Variants in SGSM3 observed in about 807,000 individuals in gnomAD.
The protein encoded by SGSM3 is RUN and SH3 containing 3.
SGSM3 carries 96 observed loss-of-function variants against 100.5 expected under a neutral mutation model. That is an observed-to-expected ratio of 0.96 (90% CI 0.81 to 1.13). The LOEUF (loss-of-function observed/expected upper bound fraction) is 1.13. Among genes scored for constraint, SGSM3 ranks in the 50% most tolerant of loss-of-function variants. The pLI, the probability that SGSM3 is intolerant of heterozygous loss-of-function variation, is 0.00. For synonymous variants in SGSM3, 483 were observed against 422.8 expected, an observed-to-expected ratio of 1.14 and a Z score of -1.75; for missense variants, 1,001 against 1,015.8, an observed-to-expected ratio of 0.99 and a Z score of 0.20.
Position 40,407,609 on chromosome 22 carries a change from C to T in SGSM3, c.1524+41C>T, listed in dbSNP as rs1300403925. 6 of 1,590,810 alleles carry T rather than the reference C, an allele frequency of 3.8e-6. No homozygotes were observed. Among genetic ancestry groups the T allele is most frequent in the Admixed American group, 3.4e-5 (2 of 59,170 alleles). Reference sequence around the variant, plus strand: ...GGACTACCAGGTCCTCAGGCTGTGGCGGGTTCCCCAGACTCCCTCCACCAA... The same window carrying T: ...GGACTACCAGGTCCTCAGGCTGTGGTGGGTTCCCCAGACTCCCTCCACCAA... On this transcript the variant is annotated intron_variant, in intron 13 of 21. Transcript: ENST00000248929. The surrounding 1 kb of genome is among the most constrained non-coding windows in gnomAD (Gnocchi z 4.7).
Position 40,407,505 on chromosome 22 carries a change from C to T in SGSM3, c.1461C>T (p.Ala487=), listed in dbSNP as rs1414220106. 1.2e-6 allele frequency: 2 copies of T among 1,610,604 alleles called. No individual in the cohort carries two copies. Among genetic ancestry groups the T allele is most frequent in the South Asian group, 1.1e-5 (1 of 91,070 alleles). The part of the protein sequence containing the change: ...CSRSHRRRAK[A]LLDFERHDDD... ...GCAGCCACCGGCGCCGAGCCAAGGCCCTGCTGGACTTTGAGCGGCACGACG... is the reference window on the plus strand; with the variant it reads ...GCAGCCACCGGCGCCGAGCCAAGGCTCTGCTGGACTTTGAGCGGCACGACG... The change falls in exon 13 of 22, where the codon GCC becomes GCT. Residue 487 remains alanine, a synonymous_variant. Transcript: ENST00000248929. This position sits in a 1 kb window ranked among gnomAD's most constrained non-coding sequence, Gnocchi z 4.7.
Position 40,408,834 on chromosome 22 carries a change from C to G in SGSM3, c.1894C>G (p.Leu632Val). Residue 632 changes from leucine (L) to valine (V), a missense_variant, in exon 18 of 22, where the codon CTC becomes GTC. By Grantham distance (32) the Leu-to-Val change is conservative (BLOSUM62 1). Coordinates refer to ENST00000248929, the MANE Select transcript of SGSM3 (RefSeq NM_015705.6). ...CAAAGTCCTGACCCCGGAGGAGCTG[C>G]TCTACCGGGTAAGGGGGCCTCCTCT... ...DGKVLTPEELLYRAVQSVNVT... is the reference protein window; with the variant it reads ...DGKVLTPEELVYRAVQSVNVT... The G allele has an allele frequency of 6.2e-7, 1 of 1,613,864 alleles. No homozygotes were observed. Among genetic ancestry groups the G allele is most frequent in the Non-Finnish European group, 8.5e-7 (1 of 1,180,032 alleles).
intron 16 of SGSM3, 58 bp downstream of exon 16, chr22:40,408,487 A>G: frequency 2.5e-6 from 4 of 1,604,686 alleles, no homozygotes; most frequent in Non-Finnish European, 3.4e-6. Context: ...TGTGCCCCCT[A>G]GTACCCATCT....
At chr22:40,384,215 T>C (rs932372069) in intron 1 of SGSM3, among the ~76,000 whole-genome samples, 3 of 151,728 alleles carry the variant, frequency 2.0e-5, no homozygotes, top group African/African-American at 7.3e-5. Context: ...CTGCACTCAA[T>C]TTGGGCAACA....
chr22:40,375,490 G>T (rs1198906339), intron 1 of SGSM3, among the ~76,000 whole-genome samples: 1 of 151,784 alleles, frequency 6.6e-6, no homozygotes, highest in East Asian at 1.9e-4. Context: ...TGAGGCAGGA[G>T]AATCACTTGA....
chr22:40,405,454 G>A (rs576977008), intron 7 of SGSM3, among the ~76,000 whole-genome samples, 170 bp downstream of exon 7: 37 of 152,312 alleles, frequency 2.4e-4, no homozygotes, highest in Non-Finnish European at 4.3e-4. Flanking sequence ...GCAGCTGCAC[G>A]TTATGCAAGC....
chr22:40,408,235 A>G, intron 15 of SGSM3, 42 bp from the exon 16 acceptor site: 1 of 1,609,556 alleles, frequency 6.2e-7, no homozygotes, highest in East Asian at 2.2e-5. Context: ...GACTGGCTGC[A>G]GGCGTCAGGC....
chr22:40,389,093 T>A (rs1356016952), intron 1 of SGSM3, among the ~76,000 whole-genome samples: 2 of 151,816 alleles, frequency 1.3e-5, no homozygotes, highest in African/African-American at 4.8e-5. Context: ...TCCAGGAGAG[T>A]GCAGAGAGCT....
rs201056719 is a variant in SGSM3, at chr22:40,408,781, G to A, written c.1854-13G>A. 6.2e-7 allele frequency: 1 copy of A among 1,613,808 alleles called. No homozygotes were observed. Among genetic ancestry groups the A allele is most frequent in the South Asian group, 1.1e-5 (1 of 91,088 alleles). On this transcript the variant is annotated splice_polypyrimidine_tract_variant and intron_variant, in intron 17 of 21. Coordinates refer to ENST00000248929, the MANE Select transcript of SGSM3 (RefSeq NM_015705.6). ...CCAGCCCCGGCACCCCAGGAGCTTT[G>A]GTGTCCCCTCAGGTTGGATGAAGAT...
At chr22:40,405,878 G>A (rs2051417155) in intron 8 of SGSM3, 34 bp downstream of exon 8, 6 of 1,587,842 alleles carry the variant, frequency 3.8e-6, no homozygotes, top group South Asian at 2.3e-5. Context: ...CTCCCATTCT[G>A]CAGCTTGGAG....
intron 1 of SGSM3, among the ~76,000 whole-genome samples, chr22:40,386,962 C>T (rs895869114): frequency 6.6e-6 from 1 of 152,066 alleles, no homozygotes; most frequent in African/African-American, 2.4e-5. Flanking sequence ...TGCTTTGTGT[C>T]TTAAATCTGG....
At position 40,372,115 on chromosome 22, in the gene SGSM3, C is replaced by G. The variant is rs960540413; in HGVS notation, c.-112+1427C>G. On this transcript the variant is annotated intron_variant, in intron 1 of 21. Coordinates refer to ENST00000248929, the MANE Select transcript of SGSM3 (RefSeq NM_015705.6). ...TGAGCTTTAGTTCTTCTCCCTGTCC[C>G]CCCCCCCTTTTTTTTTTTTTTTTTT... Among the ~76,000 whole-genome samples, 15 of 118,706 alleles carry G rather than the reference C, an allele frequency of 1.3e-4. No homozygotes were observed. In the East Asian group the frequency reaches 2.3e-3, roughly 18 times the overall value. 77.9% of individuals were successfully genotyped at this position (118,706 alleles called of 152,430 possible). A position where few individuals can be genotyped will look rare whatever the true frequency, so the allele number is the denominator to read the frequency against.
At position 40,409,842 on chromosome 22, in the gene SGSM3, C is replaced by A. The variant is rs1288033087; in HGVS notation, c.*83C>A. On this transcript the variant is annotated 3_prime_UTR_variant, in exon 22 of 22. Transcript: ENST00000248929. ...CTGCAGAGCCCAGGGAAGAGCAGCT[C>A]CAGAGCCCTGGCCGGGGCCGCGGGA... 11 of 1,532,248 alleles carry A rather than the reference C, an allele frequency of 7.2e-6. No homozygotes were observed. Among genetic ancestry groups the A allele is most frequent in the Non-Finnish European group, 7.0e-6 (8 of 1,147,282 alleles). 94.9% of individuals were successfully genotyped at this position (1,532,248 alleles called of 1,614,324 possible). A position where few individuals can be genotyped will look rare whatever the true frequency, so the allele number is the denominator to read the frequency against.
chr22:40,381,165 T>G (rs1036562451), intron 1 of SGSM3, among the ~76,000 whole-genome samples: 4 of 152,060 alleles, frequency 2.6e-5, no homozygotes, highest in African/African-American at 9.7e-5. Flanking sequence ...TTCTTTTTTT[T>G]GAGACAGGGC....
chr22:40,389,296 G>A (rs2048975004), intron 1 of SGSM3, among the ~76,000 whole-genome samples: 1 of 152,156 alleles, frequency 6.6e-6, no homozygotes, highest in Non-Finnish European at 1.5e-5. Context: ...GAGTGGTCAG[G>A]TGTGGTAAGA....
In SGSM3 at chr22:40,407,029, A is replaced by G. The variant is rs771302676; in HGVS notation, c.1198A>G (p.Arg400Gly). ...LTNLSQVVRR[R>G]TQRRKSTITA... ...CCTCTTGGTGCAGGTTGTTCGCCGCAGGACCCAGCGGAGGAAGTCCACCAT... is the reference window on the plus strand; with the variant it reads ...CCTCTTGGTGCAGGTTGTTCGCCGCGGGACCCAGCGGAGGAAGTCCACCAT... Residue 400 changes from arginine to glycine, a missense_variant, in exon 11 of 22, where the codon AGG becomes GGG. Transcript: ENST00000248929. The surrounding 1 kb of genome is among the most constrained non-coding windows in gnomAD (Gnocchi z 4.7). 6.3e-7 allele frequency: 1 copy of G among 1,579,992 alleles called. No individual in the cohort carries two copies. Among genetic ancestry groups the G allele is most frequent in the Admixed American group, 1.8e-5 (1 of 54,712 alleles).
chr22:40,382,960 G>A (rs2047811425), intron 1 of SGSM3, among the ~76,000 whole-genome samples: 1 of 152,240 alleles, frequency 6.6e-6, no homozygotes, highest in East Asian at 1.9e-4. Flanking sequence ...GTATAAAGGT[G>A]AAGGTAGATT....
At chr22:40,390,016 A>G (rs2049142025) in intron 1 of SGSM3, among the ~76,000 whole-genome samples, 1 of 152,208 alleles carries the variant, frequency 6.6e-6, no homozygotes, top group Non-Finnish European at 1.5e-5. Flanking sequence ...GAGGACACTA[A>G]TAAAGCAGAT....
intron 6 of SGSM3, among the ~76,000 whole-genome samples, chr22:40,404,885 G>A (rs1044318702): frequency 2.6e-5 from 4 of 152,230 alleles, no homozygotes; most frequent in African/African-American, 7.2e-5. Context: ...GTCCACTTCA[G>A]GAACAGATGG....
Sources: allele counts gnomAD v4.1 joint callset (sites outside exome capture counted in the v4.1 genomes callset), GRCh38; gene constraint gnomAD v4.1.1; non-coding constraint Gnocchi (gnomAD v3.1); transcripts MANE v1.5; gene names NCBI Gene and HGNC (gene_info 2026-07-23, HGNC 2026-07-21).